Variants in ROBO2 observed in about 807,000 individuals in gnomAD.
The protein encoded by ROBO2 is roundabout guidance receptor 2.
ROBO2 carries 53 observed loss-of-function variants against 160.8 expected under a neutral mutation model. The observed-to-expected ratio is 0.33, with a 90% CI of 0.26 to 0.41. ROBO2 has a LOEUF of 0.41. ROBO2 is among the 10% of genes least tolerant of loss of function. ROBO2 has a pLI of 1.00. For missense variants in ROBO2, 1,577 were observed against 1,722.4 expected (o/e 0.92, Z 1.49); for synonymous variants, 664 against 611.7 (o/e 1.09, Z -1.26).
chr3:76,218,789 T>C (rs544189270), intron 2 of ROBO2, among the ~76,000 whole-genome samples: 166 of 152,078 alleles, frequency 1.1e-3, no homozygotes, highest in Non-Finnish European at 2.2e-3. Context: ...CCAATGACTT[T>C]CTTCACAGAA....
At chr3:76,544,058 T>A (rs1385535268) in intron 2 of ROBO2, among the ~76,000 whole-genome samples, 1 of 152,024 alleles carries the variant, frequency 6.6e-6, no homozygotes. Context: ...GACACTATTT[T>A]AAAAAATCTC....
chr3:76,614,102 A>G (rs1277160813), intron 2 of ROBO2, among the ~76,000 whole-genome samples: 1 of 152,138 alleles, frequency 6.6e-6, no homozygotes, highest in African/African-American at 2.4e-5. Context: ...ACCACAGCAA[A>G]TTCTTCTTAC....
At chr3:77,189,213 G>A (rs764107478) in intron 2 of ROBO2, among the ~76,000 whole-genome samples, 9 of 151,648 alleles carry the variant, frequency 5.9e-5, no homozygotes, top group Non-Finnish European at 1.3e-4. Flanking sequence ...AATGATTATT[G>A]TACTACTTTG....
intron 2 of ROBO2, among the ~76,000 whole-genome samples, chr3:76,938,334 C>T (rs1458894503): frequency 2.0e-5 from 3 of 151,592 alleles, no homozygotes; most frequent in African/African-American, 7.3e-5. Flanking sequence ...AGCCTGGAGA[C>T]AGAGCAAGAC....
intron 2 of ROBO2, among the ~76,000 whole-genome samples, chr3:76,030,993 T>C (rs1168608445): frequency 3.3e-5 from 5 of 152,092 alleles, no homozygotes; most frequent in South Asian, 2.1e-4. Flanking sequence ...TTCTTCCTAT[T>C]CGTGAGCATG....
intron 2 of ROBO2, among the ~76,000 whole-genome samples, chr3:77,206,257 C>A (rs951310900): frequency 6.6e-5 from 10 of 152,180 alleles, no homozygotes; most frequent in East Asian, 1.9e-4. Flanking sequence ...GCAACCTCCA[C>A]CTCCCGGGTT....
intron 2 of ROBO2, among the ~76,000 whole-genome samples, chr3:76,247,826 C>A (rs941712295): frequency 1.3e-5 from 2 of 151,712 alleles, no homozygotes; most frequent in Non-Finnish European, 2.9e-5. Context: ...AAAAAGTGGG[C>A]GAAGGACATG....
intron 2 of ROBO2, among the ~76,000 whole-genome samples, chr3:76,818,086 A>T (rs892980556): frequency 6.6e-6 from 1 of 152,076 alleles, no homozygotes; most frequent in Admixed American, 6.6e-5. Flanking sequence ...ACTGTTTTCC[A>T]TAGTGGTTGT....
intron 24 of ROBO2, among the ~76,000 whole-genome samples, chr3:77,640,459 A>C (rs1005135001): frequency 6.6e-6 from 1 of 152,132 alleles, no homozygotes; most frequent in Non-Finnish European, 1.5e-5. Context: ...TCATACATGA[A>C]ATTTGAGAAG....
intron 2 of ROBO2, among the ~76,000 whole-genome samples, chr3:76,877,013 T>C (rs1577197468): frequency 1.3e-5 from 2 of 151,596 alleles, no homozygotes; most frequent in East Asian, 3.9e-4. Context: ...TATGCATATA[T>C]ATATTTTACA....
intron 2 of ROBO2, among the ~76,000 whole-genome samples, chr3:76,732,323 A>G (rs2107870634): frequency 6.6e-6 from 1 of 152,302 alleles, no homozygotes; most frequent in Middle Eastern, 3.4e-3. Context: ...GTACATTTTG[A>G]AATCTTCATA....
At chr3:76,865,974 G>C (rs1205556484) in intron 2 of ROBO2, among the ~76,000 whole-genome samples, 1 of 152,002 alleles carries the variant, frequency 6.6e-6, no homozygotes, top group Non-Finnish European at 1.5e-5. Flanking sequence ...AGGAGTTTAA[G>C]TATAAGAGAG....
chr3:77,015,340 G>A (rs2062173657), intron 2 of ROBO2, among the ~76,000 whole-genome samples: 1 of 152,164 alleles, frequency 6.6e-6, no homozygotes, highest in Non-Finnish European at 1.5e-5. Flanking sequence ...GTACACGAAT[G>A]GGATTTATGG....
At chr3:77,379,362 G>A (rs11127589) in intron 2 of ROBO2, among the ~76,000 whole-genome samples, 60,489 of 151,836 alleles carry the variant, frequency 0.4, 12,926 homozygotes, top group East Asian at 0.72. Context: ...TCCAAAGTAT[G>A]TTACATGCTA....
intron 2 of ROBO2, among the ~76,000 whole-genome samples, chr3:76,590,054 G>A (rs1180366113): frequency 2.0e-5 from 3 of 151,966 alleles, no homozygotes; most frequent in African/African-American, 7.3e-5. Flanking sequence ...TAGAAAATAC[G>A]ATGGATATTT....
intron 2 of ROBO2, among the ~76,000 whole-genome samples, chr3:77,459,427 T>G (rs1002376618): frequency 5.3e-5 from 8 of 152,314 alleles, no homozygotes; most frequent in African/African-American, 1.9e-4. Flanking sequence ...CAATGAACAT[T>G]TATTGCGCAC....
At chr3:76,021,640 C>T (rs2066577048) in intron 2 of ROBO2, among the ~76,000 whole-genome samples, 1 of 151,950 alleles carries the variant, frequency 6.6e-6, no homozygotes, top group Admixed American at 6.6e-5. Context: ...TTCATGTTTA[C>T]ATTACAATAT....
chr3:76,738,149 T>TA (rs1445560588), intron 2 of ROBO2, among the ~76,000 whole-genome samples: 1 of 150,960 alleles, frequency 6.6e-6, no homozygotes, highest in Non-Finnish European at 1.5e-5. Flanking sequence ...AAATAAAAAA[T>TA]AAAAAAAAGA....
chr3:76,296,164 G>A (rs1699669755), intron 2 of ROBO2, among the ~76,000 whole-genome samples: 1 of 152,130 alleles, frequency 6.6e-6, no homozygotes, highest in African/African-American at 2.4e-5. Flanking sequence ...GATGACAGAG[G>A]GAGAAAGTGG....
Sources: allele counts gnomAD v4.1 joint callset (sites outside exome capture counted in the v4.1 genomes callset), GRCh38; gene constraint gnomAD v4.1.1; transcripts MANE v1.5; gene names NCBI Gene and HGNC (gene_info 2026-07-23, HGNC 2026-07-21).